PLEKHG2: variants seen among roughly 807,000 people sequenced by gnomAD.
PLEKHG2 encodes pleckstrin homology and RhoGEF domain containing G2.
Under a neutral mutation model 104.4 loss-of-function variants are expected in PLEKHG2, and 71 were observed. The observed-to-expected ratio is 0.68, with a 90% CI of 0.56 to 0.83. The LOEUF is 0.83. Among genes scored for constraint, PLEKHG2 ranks in the 40% least tolerant of loss-of-function variants. The probability of loss-of-function intolerance (pLI) is 0.00; values close to 1 mark genes in which losing one functional copy is unlikely to be tolerated. For synonymous variants in PLEKHG2, 728 were observed against 737.0 expected, an observed-to-expected ratio of 0.99 and a Z score of 0.20; for missense variants, 1,730 against 1,809.4, an observed-to-expected ratio of 0.96 and a Z score of 0.80.
Position 39,424,337 on chromosome 19 carries a change from C to T in PLEKHG2, c.3204C>T (p.Asp1068=). The T allele has an allele frequency of 4.3e-6, 7 of 1,614,176 alleles. No individual in the cohort carries two copies. Among genetic ancestry groups the T allele is most frequent in the Non-Finnish European group, 5.9e-6 (7 of 1,180,028 alleles). Residue 1068 remains aspartate (D), a synonymous_variant, in exon 19 of 19, where the codon GAC becomes GAT. Transcript: ENST00000425673. ...QGGSRDVQGP[D]PVCSQPIQPL... is the part of the protein sequence containing the mutation. ...GTTCCAGGGATGTTCAGGGCCCAGACCCTGTCTGCAGTCAACCCATCCAGC... is the reference window on the plus strand; with the variant it reads ...GTTCCAGGGATGTTCAGGGCCCAGATCCTGTCTGCAGTCAACCCATCCAGC...
In PLEKHG2 at chr19:39,421,223, T is replaced by C. The variant is rs1439382138; in HGVS notation, c.1487-60T>C. ...CTTCAGCTCATCAGTTATGGGGGAA[T>C]CACTCTTTTTCCCTTACATCTCACT... On this transcript the variant is annotated intron_variant, in intron 15 of 18. Coordinates refer to ENST00000425673, the MANE Select transcript of PLEKHG2 (RefSeq NM_022835.3). The C allele has an allele frequency of 3.7e-6, 6 of 1,611,876 alleles. No homozygotes were observed. The East Asian group carries it at 1.3e-4, about 36-fold the overall frequency.
chr19:39,415,861 G>A lies in PLEKHG2; in HGVS notation c.479+422G>A, dbSNP rs1021341061. Among the ~76,000 whole-genome samples the A allele has an allele frequency of 3.5e-4, 53 of 152,182 alleles. No individual in the cohort carries two copies. Among genetic ancestry groups the A allele is most frequent in the African/African-American group, 1.2e-3 (50 of 41,444 alleles). On this transcript the variant is annotated intron_variant, in intron 4 of 18. Transcript: ENST00000425673. This position sits in a 1 kb window ranked among gnomAD's most constrained non-coding sequence, Gnocchi z 4.6. ...GGGCCTGAAGGCCGAGACAGCGTGA[G>A]CATGCGAGTGACCCCCTAAGCCTGA... is the stretch of plus-strand genomic sequence containing the variant.
At position 39,418,099 on chromosome 19, in the gene PLEKHG2, C is replaced by T; in HGVS notation, c.1077C>T (p.His359=). ...RRGLEYTYKG[H]IFCCNLSVSE... is the part of the protein sequence containing the mutation. ...GGCTGGAGTACACCTACAAAGGCCA[C>T]ATCTTCGTGAGTTTGGGGATGGGGT... Residue 359 remains histidine, a synonymous_variant, in exon 9 of 19, where the codon CAC becomes CAT. Coordinates refer to ENST00000425673, the MANE Select transcript of PLEKHG2 (RefSeq NM_022835.3). 1 of 1,505,096 alleles carries T rather than the reference C, an allele frequency of 6.6e-7. No homozygotes were observed. Among genetic ancestry groups the T allele is most frequent in the East Asian group, 2.3e-5 (1 of 42,798 alleles). 93.2% of individuals were successfully genotyped at this position (1,505,096 alleles called of 1,614,324 possible).
At chr19:39,421,569 T>A (rs1351656830) in intron 16 of PLEKHG2, 1 of 499,538 alleles carries the variant, frequency 2.0e-6, no homozygotes, top group Non-Finnish European at 3.6e-6. Context: ...ATGCCCATAG[T>A]CCCAGCTACT....
intron 12 of PLEKHG2, 42 bp from the exon 13 acceptor site, chr19:39,420,709 C>A: frequency 6.2e-7 from 1 of 1,614,162 alleles, no homozygotes; most frequent in Non-Finnish European, 8.5e-7. Context: ...CGAATTACTT[C>A]CAAGAAAAAG....
chr19:39,418,304 C>T (rs572123094), intron 9 of PLEKHG2, among the ~76,000 whole-genome samples, 199 bp downstream of exon 9: 3 of 152,226 alleles, frequency 2.0e-5, no homozygotes, highest in Admixed American at 6.5e-5. Context: ...GAAGGCTGGG[C>T]GTGGTGGCTC....
chr19:39,418,922 G>A lies in PLEKHG2; in HGVS notation c.1182G>A (p.Lys394=). 1 of 1,612,048 alleles carries A rather than the reference G, an allele frequency of 6.2e-7. No individual in the cohort carries two copies. Among genetic ancestry groups the A allele is most frequent in the Non-Finnish European group, 8.5e-7 (1 of 1,179,006 alleles). ...IPKHRHLLQA[K]NQEEKRLWIH... is the part of the protein sequence containing the mutation. ...CTACTCCAACCCACTCCTAGGCCAAGAACCAAGAAGAGAAGAGGCTGTGGA... is the reference window on the plus strand; with the variant it reads ...CTACTCCAACCCACTCCTAGGCCAAAAACCAAGAAGAGAAGAGGCTGTGGA... The change falls in exon 11 of 19, where the codon AAG becomes AAA. Residue 394 remains lysine (K), a synonymous_variant. Transcript: ENST00000425673.
Position 39,418,908 on chromosome 19 carries a change from C to A in PLEKHG2, c.1177-9C>A. The A allele has an allele frequency of 6.2e-7, 1 of 1,608,544 alleles. No individual in the cohort carries two copies. The highest frequency in any genetic ancestry group is 8.5e-7 in the Non-Finnish European group (1 of 1,176,740). ...CTGGCCCCCTGACTCTACTCCAACC[C>A]ACTCCTAGGCCAAGAACCAAGAAGA... On this transcript the variant is annotated splice_polypyrimidine_tract_variant and intron_variant, in intron 10 of 18. Transcript: ENST00000425673.
In PLEKHG2 at chr19:39,415,574, A is replaced by G. The variant is rs550376673; in HGVS notation, c.479+135A>G. ...TGACATTGGGCAAGGATCAGGGATC[A>G]CGACTGGGAGGGAGGACCCCGAGTG... On this transcript the variant is annotated intron_variant, in intron 4 of 18. Coordinates refer to ENST00000425673, the MANE Select transcript of PLEKHG2 (RefSeq NM_022835.3). The surrounding 1 kb of genome is among the most constrained non-coding windows in gnomAD (Gnocchi z 4.6). The G allele has an allele frequency of 1.9e-6, 2 of 1,030,768 alleles. No individual in the cohort carries two copies. The highest frequency in any genetic ancestry group is 1.6e-5 in the South Asian group (1 of 64,424). 63.9% of individuals were successfully genotyped at this position (1,030,768 alleles called of 1,614,324 possible). A position where few individuals can be genotyped will look rare whatever the true frequency, so the allele number is the denominator to read the frequency against.
At chr19:39,422,634 C>T (rs2078717677) in intron 17 of PLEKHG2, 98 bp from the exon 18 acceptor site, 2 of 1,427,782 alleles carry the variant, frequency 1.4e-6, no homozygotes, top group African/African-American at 1.4e-5. Context: ...AGTGACCCGC[C>T]CACTTCAGCC....
intron 2 of PLEKHG2, 128 bp from the exon 3 acceptor site, chr19:39,414,864 G>A (rs1462085624): frequency 1.9e-6 from 2 of 1,078,852 alleles, no homozygotes; most frequent in African/African-American, 1.6e-5. Flanking sequence ...GCAGTGGGGA[G>A]AGGAGGAAGG....
At chr19:39,420,544 G>A in intron 11 of PLEKHG2, 82 bp from the exon 12 acceptor site, 1 of 1,581,624 alleles carries the variant, frequency 6.3e-7, no homozygotes, top group Middle Eastern at 1.7e-4. Flanking sequence ...CCCATTAATG[G>A]GCATGACTAC....
rs112129630 is a variant in PLEKHG2, at chr19:39,416,315, A to G, written c.480-33A>G. 3.1e-6 allele frequency: 5 copies of G among 1,609,962 alleles called. No individual in the cohort carries two copies. The highest frequency in any genetic ancestry group is 2.1e-4 in the Middle Eastern group (1 of 4,792). On this transcript the variant is annotated intron_variant, in intron 4 of 18. Transcript: ENST00000425673. This position sits in a 1 kb window ranked among gnomAD's most constrained non-coding sequence, Gnocchi z 4.5. ...CCTCCCATGGAGGGGTCGTGAAGGC[A>G]GGCGGTTCCTCACCCTCCCCTCTCC...
chr19:39,425,024 G>T lies in PLEKHG2; in HGVS notation c.3891G>T (p.Gly1297=). ...SQSLARRQGP[G]GGAPAASRGS... ...GCCTGGCTCGGCGGCAGGGGCCTGG[G>T]GGAGGGGCCCCCGCAGCCTCCCGGG... The change falls in exon 19 of 19, where the codon GGG becomes GGT. Residue 1297 remains glycine, a synonymous_variant. Coordinates refer to ENST00000425673, the MANE Select transcript of PLEKHG2 (RefSeq NM_022835.3). 1 of 1,603,656 alleles carries T rather than the reference G, an allele frequency of 6.2e-7. No homozygotes were observed. The highest frequency in any genetic ancestry group is 1.1e-5 in the South Asian group (1 of 90,312).
chr19:39,420,501 C>T lies in PLEKHG2; in HGVS notation c.1264-125C>T, dbSNP rs113522981. On this transcript the variant is annotated intron_variant, in intron 11 of 18. Transcript: ENST00000425673. ...ATTGCACCACTGTACTCCAACCTGG[C>T]GTATAGAGCAAGATCTAAAAACAAA... 2.3e-3 allele frequency: 2,703 copies of T among 1,189,760 alleles called. 4 individuals are homozygous for T. The highest frequency in any genetic ancestry group is 4.5e-3 in the Middle Eastern group (20 of 4,398). The allele number at this position is 1,189,760 out of a possible 1,614,324, so 73.7% of individuals were successfully genotyped here.
rs1192026329 is a variant in PLEKHG2 at position 39,412,919 on chromosome 19, G to T, written c.-516G>T. 1.3e-5 allele frequency: 2 copies of T among 152,240 alleles called. No homozygotes were observed. The highest frequency in any genetic ancestry group is 2.9e-5 in the Non-Finnish European group (2 of 68,066). The allele number at this position is 152,240 out of a possible 1,614,324, so 9.4% of individuals were successfully genotyped here. A position where few individuals can be genotyped will look rare whatever the true frequency, so the allele number is the denominator to read the frequency against. On this transcript the variant is annotated 5_prime_UTR_variant, in exon 1 of 19. Transcript: ENST00000425673. The stretch of plus-strand genomic sequence containing the variant: ...CGAGCGCCCCGTATCCCCGTTTCAA[G>T]AACTCAGGATCCAGGACCGCAGACT...
chr19:39,422,436 G>T, intron 17 of PLEKHG2, 148 bp downstream of exon 17: 1 of 966,200 alleles, frequency 1.0e-6, no homozygotes. Flanking sequence ...GGAGTGCAGT[G>T]GCGCCATCTC....
At position 39,423,293 on chromosome 19, in the gene PLEKHG2, C is replaced by A; in HGVS notation, c.2239C>A (p.Gln747Lys). 2 of 1,614,062 alleles carry A rather than the reference C, an allele frequency of 1.2e-6. No individual in the cohort carries two copies. The highest frequency in any genetic ancestry group is 1.7e-6 in the Non-Finnish European group (2 of 1,179,890). The change falls in exon 18 of 19, where the codon CAG becomes AAG. Residue 747 changes from glutamine to lysine, a missense_variant. Physicochemically the swap from Gln to Lys is moderately conservative, Grantham distance 53 (BLOSUM62 1). Transcript: ENST00000425673. The part of the protein sequence containing the change: ...EGVSFTDFQP[Q>K]DVTQHQGFPD... Reference sequence around the variant, plus strand: ...GGTATCATTCACAGACTTCCAGCCCCAGGATGTCACCCAACATCAGGGATT... The same window carrying A: ...GGTATCATTCACAGACTTCCAGCCCAAGGATGTCACCCAACATCAGGGATT...
Position 39,425,561 on chromosome 19 carries a change from C to A in PLEKHG2, c.*267C>A. 4.0e-6 allele frequency: 2 copies of A among 503,384 alleles called. No individual in the cohort carries two copies. Among genetic ancestry groups the A allele is most frequent in the Non-Finnish European group, 6.6e-6 (2 of 302,428 alleles). The allele number at this position is 503,384 out of a possible 1,614,324, so 31.2% of individuals were successfully genotyped here. On this transcript the variant is annotated 3_prime_UTR_variant, in exon 19 of 19. Coordinates refer to ENST00000425673, the MANE Select transcript of PLEKHG2 (RefSeq NM_022835.3). ...CTGGAGGCTGTGGGAGATGACAAGA[C>A]AATGAATGGGAAGGTCTGACACAGA...
Sources: allele counts gnomAD v4.1 joint callset (sites outside exome capture counted in the v4.1 genomes callset), GRCh38; gene constraint gnomAD v4.1.1; non-coding constraint Gnocchi (gnomAD v3.1); transcripts MANE v1.5; gene names NCBI Gene and HGNC (gene_info 2026-07-23, HGNC 2026-07-21).